The following RBFOX1 variants were observed in gnomAD, a reference collection of about 807,000 sequenced individuals.
The protein encoded by RBFOX1 is RNA binding fox-1 homolog 1.
A neutral mutation model predicts 57.7 loss-of-function variants in RBFOX1; 8 were observed. The ratio of observed to expected loss-of-function variants is 0.14; its 90% CI spans 0.08 to 0.25. RBFOX1 has a LOEUF of 0.25. Among genes scored for constraint, RBFOX1 ranks in the 10% least tolerant of loss-of-function variants. RBFOX1 has a pLI of 1.00. For synonymous variants in RBFOX1, 326 were observed against 222.4 expected (o/e 1.47, Z -4.15); for missense variants, 611 against 548.5 (o/e 1.11, Z -1.14).
At chr16:7,687,965 C>T (rs1442562396) in intron 14 of RBFOX1, among the ~76,000 whole-genome samples, 1 of 152,050 alleles carries the variant, frequency 6.6e-6, no homozygotes, top group East Asian at 1.9e-4. Context: ...AGTTAAATGA[C>T]CGGGGTGTGG....
chr16:5,312,505 C>T (rs542548904), intron 1 of RBFOX1, among the ~76,000 whole-genome samples: 28 of 152,088 alleles, frequency 1.8e-4, no homozygotes, highest in Middle Eastern at 3.4e-3. Flanking sequence ...TTAGTAGAGA[C>T]GGGGTTTCAC....
chr16:7,344,163 G>T (rs9932150), intron 4 of RBFOX1, among the ~76,000 whole-genome samples: 1 of 134,344 alleles, frequency 7.4e-6, no homozygotes, highest in Non-Finnish European at 1.5e-5. Context: ...TTTTCTCTTC[G>T]GTAAAATGGC....
chr16:7,524,009 C>T lies in RBFOX1; in HGVS notation c.270+5620C>T, dbSNP rs565588913. Among the ~76,000 whole-genome samples, 4 of 152,270 alleles carry T rather than the reference C, an allele frequency of 2.6e-5. 1 individual carries two copies. Among genetic ancestry groups the T allele is most frequent in the African/African-American group, 9.6e-5 (4 of 41,566 alleles). On this transcript the variant is annotated intron_variant, in intron 5 of 15. Transcript: ENST00000550418. Reference sequence around the variant, plus strand: ...CCCTATATCCATGACCCTGTATTTGCACAAAAAGTTACTATTGTGAGATAC... The same window carrying T: ...CCCTATATCCATGACCCTGTATTTGTACAAAAAGTTACTATTGTGAGATAC...
intron 3 of RBFOX1, among the ~76,000 whole-genome samples, chr16:6,674,664 G>A (rs1251001188): frequency 6.6e-6 from 1 of 152,134 alleles, no homozygotes; most frequent in Non-Finnish European, 1.5e-5. Context: ...ATGTACGAAT[G>A]TAGACTCACG....
At position 5,644,024 on chromosome 16, in the gene RBFOX1, CA is replaced by C. The variant is rs1269380740; in HGVS notation, c.318+45064del. On this transcript the variant is annotated intron_variant, in intron 3 of 19. Coordinates refer to the RBFOX1 transcript ENST00000641259. ...AATGTGACCTTTACAACAAAACGTG[CA>C]GACTGCGTCGTACACAGAGGACTCT... 1.7e-4 allele frequency among the ~76,000 whole-genome samples: 26 copies of C among 152,184 alleles called. 1 individual carries two copies. The highest frequency in any genetic ancestry group is 7.3e-5 in the Non-Finnish European group (5 of 68,034).
intron 4 of RBFOX1, among the ~76,000 whole-genome samples, chr16:7,268,713 C>G (rs537610752): frequency 2.9e-4 from 44 of 152,066 alleles, no homozygotes; most frequent in Non-Finnish European, 5.9e-4. Flanking sequence ...CTCCTTGGGA[C>G]TAGCCTTTTT....
At chr16:5,317,056 G>A (rs2064260521) in intron 1 of RBFOX1, among the ~76,000 whole-genome samples, 1 of 152,142 alleles carries the variant, frequency 6.6e-6, no homozygotes, top group Non-Finnish European at 1.5e-5. Context: ...TGCACCGATA[G>A]CCTCCTGGGC....
rs371245662 is a variant in RBFOX1, at chr16:6,912,913, C to T, written c.-15-139144C>T. Among the ~76,000 whole-genome samples the T allele has an allele frequency of 3.9e-5, 6 of 152,280 alleles. No homozygotes were observed. The East Asian group carries it at 9.7e-4, about 25-fold the overall frequency. On this transcript the variant is annotated intron_variant, in intron 3 of 15. Transcript: ENST00000550418. ...GGGATTACAGGCATGAGCCACCAAG[C>T]CCAGCCTAGAGCTCCTTGTTTTTGG...
chr16:6,866,605 G>A (rs2059967790), intron 3 of RBFOX1, among the ~76,000 whole-genome samples: 1 of 130,252 alleles, frequency 7.7e-6, no homozygotes, highest in Non-Finnish European at 1.5e-5. Context: ...GCAGTGGTGC[G>A]ATCTCGGCTC....
At chr16:6,613,874 G>A (rs567130878) in intron 2 of RBFOX1, among the ~76,000 whole-genome samples, 43 of 152,256 alleles carry the variant, frequency 2.8e-4, no homozygotes, top group African/African-American at 9.9e-4. Context: ...GGAGGCAGAG[G>A]TTGCAGTGAG....
At chr16:6,494,140 A>G (rs1266098744) in intron 2 of RBFOX1, among the ~76,000 whole-genome samples, 1 of 152,222 alleles carries the variant, frequency 6.6e-6, no homozygotes, top group Non-Finnish European at 1.5e-5. Context: ...CTATTCTCTA[A>G]TGGTAATATT....
chr16:6,941,614 C>T (rs143648965), intron 3 of RBFOX1, among the ~76,000 whole-genome samples: 1 of 151,920 alleles, frequency 6.6e-6, no homozygotes, highest in Non-Finnish European at 1.5e-5. Flanking sequence ...TGCCCCTCCT[C>T]TGCCCTTCAT....
At chr16:6,861,679 G>A (rs1209085249) in intron 3 of RBFOX1, among the ~76,000 whole-genome samples, 2 of 151,944 alleles carry the variant, frequency 1.3e-5, no homozygotes, top group Non-Finnish European at 2.9e-5. Flanking sequence ...ATTTTTCACT[G>A]TGTATAATGA....
chr16:6,545,127 G>A lies in RBFOX1; in HGVS notation c.-63-109476G>A, dbSNP rs1032636932. 5.3e-5 allele frequency among the ~76,000 whole-genome samples: 8 copies of A among 152,034 alleles called. No individual in the cohort carries two copies. In the South Asian group the frequency reaches 6.2e-4, roughly 12 times the overall value. On this transcript the variant is annotated intron_variant, in intron 2 of 15. Transcript: ENST00000550418. ...CTCCAAATGATATCTAAAAATCCGC[G>A]TACTTTTTCCCTAGCGCCATTTTTG...
At chr16:6,909,861 G>C (rs796475127) in intron 3 of RBFOX1, among the ~76,000 whole-genome samples, 11 of 152,104 alleles carry the variant, frequency 7.2e-5, no homozygotes, top group Admixed American at 6.5e-5. Flanking sequence ...GACCACCCTC[G>C]TGTGACTGAA....
intron 3 of RBFOX1, among the ~76,000 whole-genome samples, chr16:6,739,358 C>G (rs373494271): frequency 1.3e-5 from 2 of 152,216 alleles, no homozygotes; most frequent in African/African-American, 2.4e-5. Context: ...TGCACTTACT[C>G]ATTTGAGAGC....
intron 2 of RBFOX1, 146 bp downstream of exon 2, chr16:6,317,203 A>G: frequency 1.4e-6 from 1 of 733,674 alleles, no homozygotes; most frequent in Non-Finnish European, 2.2e-6. Context: ...GCCCTATTGT[A>G]TCAGAGATGA....
At chr16:6,570,535 T>C (rs1221520516) in intron 2 of RBFOX1, among the ~76,000 whole-genome samples, 2 of 152,334 alleles carry the variant, frequency 1.3e-5, no homozygotes, top group South Asian at 2.1e-4. Flanking sequence ...ATATAAAATA[T>C]AATTTATACA....
At chr16:7,045,365 A>C (rs528721578) in intron 3 of RBFOX1, among the ~76,000 whole-genome samples, 18 of 152,294 alleles carry the variant, frequency 1.2e-4, no homozygotes, top group African/African-American at 3.4e-4. Flanking sequence ...CAACAAAAAC[A>C]AACATGTCTA....
Sources: allele counts gnomAD v4.1 joint callset (sites outside exome capture counted in the v4.1 genomes callset), GRCh38; gene constraint gnomAD v4.1.1; transcripts MANE v1.5; gene names NCBI Gene and HGNC (gene_info 2026-07-23, HGNC 2026-07-21).